Variants in ANKFY1 observed in about 807,000 individuals in gnomAD.
The protein encoded by ANKFY1 is ankyrin repeat and FYVE domain-containing protein 1.
ANKFY1 carries 47 observed loss-of-function variants against 128.3 expected under a neutral mutation model. That is an observed-to-expected ratio of 0.37 (90% CI 0.29 to 0.47). The LOEUF (loss-of-function observed/expected upper bound fraction) is 0.47. Ranked by LOEUF, ANKFY1 falls within the 20% of genes least tolerant of loss-of-function variation. ANKFY1 has a pLI of 1.00. For missense variants in ANKFY1, 1,222 were observed against 1,510.6 expected, an observed-to-expected ratio of 0.81 and a Z score of 3.17; for synonymous variants, 553 against 601.6, an observed-to-expected ratio of 0.92 and a Z score of 1.18.
At chr17:4,211,747 G>A (rs2060134583) in intron 4 of ANKFY1, among the ~76,000 whole-genome samples, 1 of 152,076 alleles carries the variant, frequency 6.6e-6, no homozygotes, top group Admixed American at 6.6e-5. Context: ...GCATGTGCCT[G>A]TAGTCCCAGC....
chr17:4,248,917 G>C (rs1967696784), intron 1 of ANKFY1, among the ~76,000 whole-genome samples: 1 of 152,148 alleles, frequency 6.6e-6, no homozygotes, highest in Non-Finnish European at 1.5e-5. Context: ...ATACCTATCT[G>C]TTCTCCATGA....
At chr17:4,214,392 G>C (rs1459954723) in intron 4 of ANKFY1, among the ~76,000 whole-genome samples, 1 of 152,086 alleles carries the variant, frequency 6.6e-6, no homozygotes, top group Admixed American at 6.5e-5. Context: ...TAGAAATTAA[G>C]ATTCTCGGTT....
intron 1 of ANKFY1, among the ~76,000 whole-genome samples, chr17:4,263,222 T>C (rs1031955751): frequency 4.6e-5 from 7 of 152,098 alleles, no homozygotes; most frequent in Non-Finnish European, 4.4e-5. Context: ...CAGAGTGCCT[T>C]AAGCTGCAAT....
At chr17:4,196,144 TACACACACACACACACACACACAC>T (rs35005172) in intron 8 of ANKFY1, among the ~76,000 whole-genome samples, 2 of 83,914 alleles carry the variant, frequency 2.4e-5, no homozygotes, top group Non-Finnish European at 4.5e-5. Context: ...CTGCATCTAC[TACACACACACACACACACACACAC>T]ACACACACAC....
Position 4,202,981 on chromosome 17 carries a change from C to CACATATATATATAT in ANKFY1, c.898+3339_898+3340insATATATATATATGT, listed in dbSNP as rs56856304. Reference sequence around the variant, plus strand: ...AGTTCTTTTTACTTATAATCATACACATATATATATATATATATATTCACC... The same window carrying CACATATATATATAT: ...AGTTCTTTTTACTTATAATCATACACACATATATATATATATATATATATATATATATATTCACC... On this transcript the variant is annotated intron_variant, in intron 7 of 24. Transcript: ENST00000341657. Among the ~76,000 whole-genome samples, 885 of 146,268 alleles carry CACATATATATATAT rather than the reference C, an allele frequency of 6.1e-3. 12 individuals are homozygous for CACATATATATATAT. The highest frequency in any genetic ancestry group is 0.021 in the African/African-American group (838 of 40,036).
chr17:4,241,970 TC>T (rs1967255522), intron 2 of ANKFY1, among the ~76,000 whole-genome samples: 1 of 151,192 alleles, frequency 6.6e-6, no homozygotes, highest in South Asian at 2.1e-4. Flanking sequence ...GCACCTGTAG[TC>T]CCAGCCACTC....
intron 2 of ANKFY1, among the ~76,000 whole-genome samples, chr17:4,239,727 C>T (rs564644122): frequency 2.6e-5 from 4 of 152,026 alleles, no homozygotes; most frequent in South Asian, 2.1e-4. Context: ...TTAGTACAGA[C>T]GGGGTTTCCT....
chr17:4,187,343 T>C, intron 11 of ANKFY1: 3 of 398,618 alleles, frequency 7.5e-6, no homozygotes, highest in Non-Finnish European at 1.3e-5. Context: ...AGGTCATTGC[T>C]TGTCAAGATG....
intron 1 of ANKFY1, among the ~76,000 whole-genome samples, chr17:4,255,640 T>A (rs937493002): frequency 2.0e-5 from 3 of 152,186 alleles, no homozygotes; most frequent in African/African-American, 7.2e-5. Flanking sequence ...TTGTAAAGGC[T>A]GTGATAACAT....
chr17:4,171,636 C>T (rs1164247839), intron 22 of ANKFY1, among the ~76,000 whole-genome samples: 1 of 152,220 alleles, frequency 6.6e-6, no homozygotes, highest in Admixed American at 6.5e-5. Context: ...CCCCTCCCTG[C>T]TGCCTGTTCC....
At chr17:4,233,257 A>C (rs924375793) in intron 3 of ANKFY1, among the ~76,000 whole-genome samples, 1 of 152,204 alleles carries the variant, frequency 6.6e-6, no homozygotes, top group African/African-American at 2.4e-5. Flanking sequence ...CTGTTCATAT[A>C]ATCAAGATCC....
chr17:4,203,697 C>A (rs550746743), intron 7 of ANKFY1, among the ~76,000 whole-genome samples: 146 of 151,680 alleles, frequency 9.6e-4, no homozygotes, highest in Admixed American at 3.7e-3. Flanking sequence ...TGCCTGTAAT[C>A]CCAGCTACTC....
intron 1 of ANKFY1, among the ~76,000 whole-genome samples, chr17:4,256,623 A>G (rs1200535293): frequency 6.6e-6 from 1 of 152,108 alleles, no homozygotes; most frequent in East Asian, 1.9e-4. Context: ...GTCTGGCTGA[A>G]AAGTAGTGCC....
At chr17:4,263,819 G>T in intron 1 of ANKFY1, 113 bp downstream of exon 1, 1 of 1,608,370 alleles carries the variant, frequency 6.2e-7, no homozygotes, top group Non-Finnish European at 8.5e-7. Flanking sequence ...CGCGAGACCC[G>T]CGGAGCCCCC....
chr17:4,170,705 G>A lies in ANKFY1; in HGVS notation c.3286+10C>T. 1.9e-6 allele frequency: 3 copies of A among 1,603,298 alleles called. No individual in the cohort carries two copies. The highest frequency in any genetic ancestry group is 2.6e-6 in the Non-Finnish European group (3 of 1,174,336). Reference sequence around the variant, plus strand: ...GCTTGCACTGTGAGAGCAGAGAGCGGGCCACTCACCCAGCAGTCGGAACAG... The same window carrying A: ...GCTTGCACTGTGAGAGCAGAGAGCGAGCCACTCACCCAGCAGTCGGAACAG... On this transcript the variant is annotated intron_variant, in intron 23 of 24. Coordinates refer to ENST00000341657, the MANE Select transcript of ANKFY1 (RefSeq NM_001330063.2).
rs754974307 is a variant in ANKFY1, at chr17:4,177,151, C to A, written c.2750G>T (p.Gly917Val). The stretch of plus-strand genomic sequence containing the variant: ...CAAATTGCGGACAATAATTTCTGAG[C>A]CTGCTTGGACAGCGAGGTGCAGGGG... ...LTPLHLAVQA[G>V]SEIIVRNLLL... Residue 917 changes from glycine (G) to valine (V), a missense_variant, in exon 19 of 25, where the codon GGC (glycine) becomes GTC (valine). By Grantham distance (109) the Gly-to-Val change is moderately radical. Coordinates refer to ENST00000341657, the MANE Select transcript of ANKFY1 (RefSeq NM_001330063.2). 2 of 1,587,618 alleles carry A rather than the reference C, an allele frequency of 1.3e-6. No individual in the cohort carries two copies. The highest frequency in any genetic ancestry group is 2.7e-5 in the African/African-American group (2 of 73,978).
At chr17:4,260,618 CAAAAAAAAA>C (rs60030304) in intron 1 of ANKFY1, among the ~76,000 whole-genome samples, 2 of 65,074 alleles carry the variant, frequency 3.1e-5, no homozygotes, top group South Asian at 1.3e-3. Context: ...ATCCTGTCTC[CAAAAAAAAA>C]AAAAAAAAAA....
chr17:4,217,365 G>A (rs1249715207), intron 3 of ANKFY1, among the ~76,000 whole-genome samples: 1 of 152,158 alleles, frequency 6.6e-6, no homozygotes, highest in Non-Finnish European at 1.5e-5. Flanking sequence ...TGACCAACAT[G>A]CTGAAACCCC....
intron 3 of ANKFY1, chr17:4,223,157 A>G (rs974967048): frequency 3.8e-6 from 3 of 788,604 alleles, no homozygotes; most frequent in African/African-American, 3.4e-5. Context: ...TCAGGTGACA[A>G]TGATGCTCAC....
Sources: allele counts gnomAD v4.1 joint callset (sites outside exome capture counted in the v4.1 genomes callset), GRCh38; gene constraint gnomAD v4.1.1; transcripts MANE v1.5; gene names NCBI Gene and HGNC (gene_info 2026-07-23, HGNC 2026-07-21).